The following SSU72L3 variants were observed in gnomAD, a reference collection of about 807,000 sequenced individuals.
The protein encoded by SSU72L3 is RNA polymerase II subunit A C-terminal domain phosphatase SSU72 like protein 3.
At chr11:4,330,107 C>G in the SSU72L3 span, 1 of 755,904 alleles carries the variant, frequency 1.3e-6, no homozygotes, top group African/African-American at 1.7e-5. Context: ...GCAACGGAAT[C>G]TTACACATCT....
At chr11:4,329,792 G>T in the SSU72L3 span, 1 of 595,996 alleles carries the variant, frequency 1.7e-6, no homozygotes, top group Middle Eastern at 4.5e-4. Flanking sequence ...GGTATAGGTG[G>T]TCGTCTCCTC....
At chr11:4,330,023 A>C in the SSU72L3 span, 4 of 775,614 alleles carry the variant, frequency 5.2e-6, 1 homozygote, top group South Asian at 5.4e-5. Context: ...ATCGTCCTGT[A>C]GTTTATGATT....
the SSU72L3 span, chr11:4,330,504 A>T: frequency 2.5e-5 from 15 of 601,098 alleles, no homozygotes; most frequent in East Asian, 3.6e-4. Context: ...ATGGGACTTT[A>T]GTCCGGATTT....
At chr11:4,330,376 A>G in the SSU72L3 span, 3 of 760,190 alleles carry the variant, frequency 3.9e-6, no homozygotes, top group South Asian at 2.7e-5. Context: ...ATAGAAGACA[A>G]TCTGGAGGAG....
the SSU72L3 span, chr11:4,330,528 T>C: frequency 3.3e-6 from 2 of 598,294 alleles, no homozygotes; most frequent in Non-Finnish European, 5.9e-6. Flanking sequence ...GTGAGAAGCA[T>C]CTGCAAAGAC....
the SSU72L3 span, chr11:4,330,219 G>C: frequency 2.7e-6 from 2 of 738,398 alleles, no homozygotes; most frequent in African/African-American, 3.5e-5. Context: ...CTATGACACA[G>C]TGGTGGAAGA....
At chr11:4,329,963 C>T in the SSU72L3 span, 5 of 749,108 alleles carry the variant, frequency 6.7e-6, no homozygotes, top group Admixed American at 1.9e-5. Context: ...GGCTAAGTGT[C>T]CGGTCTTTTG....
the SSU72L3 span, chr11:4,330,154 G>T: frequency 5.6e-5 from 42 of 749,192 alleles, 1 homozygote; most frequent in South Asian, 5.6e-4. Context: ...GGTCCAGAAA[G>T]ATTTCAGGAG....
At chr11:4,330,437 C>G in the SSU72L3 span, 1 of 638,638 alleles carries the variant, frequency 1.6e-6, no homozygotes, top group Non-Finnish European at 2.8e-6. Context: ...TTCACACCGT[C>G]TGCTTCTACT....
the SSU72L3 span, chr11:4,330,050 G>A: frequency 1.3e-5 from 10 of 777,162 alleles, no homozygotes; most frequent in Non-Finnish European, 1.9e-5. Flanking sequence ...CAACATATAA[G>A]CAGATGTACA....
the SSU72L3 span, chr11:4,330,387 C>G: frequency 7.9e-6 from 6 of 757,446 alleles, no homozygotes; most frequent in African/African-American, 1.7e-5. Flanking sequence ...TCTGGAGGAG[C>G]TGCTGTTGCA....
chr11:4,330,015 C>T, the SSU72L3 span: 4 of 773,586 alleles, frequency 5.2e-6, no homozygotes, highest in South Asian at 5.5e-5. Flanking sequence ...AAGACCCAAT[C>T]GTCCTGTAGT....
chr11:4,329,915 C>G, the SSU72L3 span: 1 of 732,360 alleles, frequency 1.4e-6, no homozygotes. Context: ...GCAATGTCAA[C>G]AGGAGCATGG....
chr11:4,330,681 C>T, the SSU72L3 span, among the ~76,000 whole-genome samples: 145 of 150,576 alleles, frequency 9.6e-4, no homozygotes, highest in African/African-American at 3.5e-3. Flanking sequence ...AGGTGCATTA[C>T]ATGGGATAAC....
chr11:4,330,215 C>T, the SSU72L3 span: 1 of 737,860 alleles, frequency 1.4e-6, no homozygotes, highest in Non-Finnish European at 2.5e-6. Flanking sequence ...GTGTCTATGA[C>T]ACAGTGGTGG....
At chr11:4,329,827 A>C in the SSU72L3 span, 1 of 646,730 alleles carries the variant, frequency 1.5e-6, no homozygotes, top group Non-Finnish European at 2.8e-6. Context: ...GCAGCAACTG[A>C]GGTGCCTGTG....
chr11:4,330,577 C>G, the SSU72L3 span: 2 of 558,448 alleles, frequency 3.6e-6, no homozygotes, highest in Non-Finnish European at 6.3e-6. Context: ...TTGTACACAT[C>G]ACCTGGAAAG....
chr11:4,330,720 G>C, the SSU72L3 span, among the ~76,000 whole-genome samples: 1 of 152,146 alleles, frequency 6.6e-6, no homozygotes, highest in Non-Finnish European at 1.5e-5. Context: ...ATTCTACAAG[G>C]AAGCTAGCCC....
At chr11:4,330,363 G>T in the SSU72L3 span, 3 of 760,872 alleles carry the variant, frequency 3.9e-6, no homozygotes, top group African/African-American at 3.4e-5. Context: ...GCAGTCAGAC[G>T]ACATAGAAGA....
Sources: allele counts gnomAD v4.1 joint callset (sites outside exome capture counted in the v4.1 genomes callset), GRCh38; gene constraint gnomAD v4.1.1; transcripts MANE v1.5; gene names NCBI Gene and HGNC (gene_info 2026-07-23, HGNC 2026-07-21).